The following FAM184A variants were observed in gnomAD, a reference collection of about 807,000 sequenced individuals.
FAM184A encodes protein FAM184A.
FAM184A carries 99 observed loss-of-function variants against 143.8 expected under a neutral mutation model. The observed-to-expected ratio is 0.69, with a 90% confidence interval of 0.58 to 0.81. FAM184A has a LOEUF of 0.81. Among genes scored for constraint, FAM184A ranks in the 40% least tolerant of loss-of-function variants. FAM184A has a pLI of 0.00. For missense variants in FAM184A, 1,217 were observed against 1,310.5 expected (o/e 0.93, Z 1.10); for synonymous variants, 427 against 446.4 (o/e 0.96, Z 0.55).
chr6:119,006,170 C>T, intron 7 of FAM184A: 1 of 765,132 alleles, frequency 1.3e-6, no homozygotes, highest in Non-Finnish European at 2.4e-6. Flanking sequence ...CCTGGTGCTA[C>T]CAGAAGCTGG....
chr6:119,099,778 A>G (rs574391878), intron 1 of FAM184A, among the ~76,000 whole-genome samples: 6 of 152,196 alleles, frequency 3.9e-5, no homozygotes, highest in East Asian at 3.9e-4. Flanking sequence ...TGAAGAGGGC[A>G]TGGAAACTCC....
intron 1 of FAM184A, among the ~76,000 whole-genome samples, chr6:119,100,156 T>C (rs1179525837): frequency 6.6e-6 from 1 of 152,132 alleles, no homozygotes; most frequent in Non-Finnish European, 1.5e-5. Context: ...TGTGAGAGTA[T>C]GGTGGGAGAA....
chr6:118,997,851 A>G (rs1413005477), intron 9 of FAM184A, among the ~76,000 whole-genome samples: 2 of 152,208 alleles, frequency 1.3e-5, no homozygotes, highest in African/African-American at 4.8e-5. Context: ...TTCAGTAACC[A>G]TATTTAAAAG....
At chr6:119,079,288 G>C (rs1274412172), upstream of FAM184A, 1 of 152,244 alleles carries the variant, frequency 6.6e-6, no homozygotes, top group Non-Finnish European at 1.5e-5. Context: ...CAGTCAGCTG[G>C]TGGAGCACCG....
chr6:119,100,125 G>A (rs1788602197), intron 1 of FAM184A, among the ~76,000 whole-genome samples: 1 of 152,174 alleles, frequency 6.6e-6, no homozygotes, highest in African/African-American at 2.4e-5. Context: ...GGCTGGTGGG[G>A]AGAAATTCCC....
chr6:118,986,208 G>T (rs773818916), intron 9 of FAM184A, among the ~76,000 whole-genome samples: 138 of 152,188 alleles, frequency 9.1e-4, no homozygotes, highest in Non-Finnish European at 1.7e-3. Flanking sequence ...CAGGAGAATG[G>T]TGTGAACCCG....
intron 15 of FAM184A, 39 bp downstream of exon 15, chr6:118,966,796 G>T (rs777933084): frequency 1.8e-5 from 17 of 946,234 alleles, no homozygotes; most frequent in Non-Finnish European, 2.6e-5. Context: ...AATATCTATT[G>T]ATTACTAACA....
chr6:119,077,996 T>G, intron 1 of FAM184A, 145 bp downstream of exon 1: 1 of 946,676 alleles, frequency 1.1e-6, no homozygotes, highest in Non-Finnish European at 1.5e-6. Context: ...TTTGCAGGGT[T>G]TTGGAGGTGT....
intron 2 of FAM184A, among the ~76,000 whole-genome samples, 182 bp downstream of exon 2, chr6:119,023,777 T>G (rs1785535026): frequency 6.8e-6 from 1 of 146,296 alleles, no homozygotes; most frequent in African/African-American, 2.6e-5. Flanking sequence ...GTAATACAAA[T>G]TATCCTGTCA....
intron 9 of FAM184A, among the ~76,000 whole-genome samples, chr6:118,988,954 ATTT>A (rs71556820): frequency 1.8e-5 from 2 of 112,060 alleles, no homozygotes; most frequent in African/African-American, 3.5e-5. Flanking sequence ...TCTGGACATG[ATTT>A]TTTTTTTTTT....
At chr6:119,002,576 C>A (rs909747741) in intron 9 of FAM184A, among the ~76,000 whole-genome samples, 2 of 152,056 alleles carry the variant, frequency 1.3e-5, no homozygotes, top group Admixed American at 6.5e-5. Context: ...CAAACAGTAT[C>A]TAAGGACATG....
At chr6:119,086,663 G>A (rs563238423) in intron 1 of FAM184A, among the ~76,000 whole-genome samples, 1 of 152,314 alleles carries the variant, frequency 6.6e-6, no homozygotes, top group African/African-American at 2.4e-5. Context: ...ATTACTTATG[G>A]AAGGGGACTT....
In FAM184A at chr6:119,071,232, T is replaced by C. The variant is rs575603943; in HGVS notation, c.159+6909A>G. 3.9e-5 allele frequency among the ~76,000 whole-genome samples: 6 copies of C among 152,254 alleles called. No individual in the cohort carries two copies. The South Asian group carries it at 1.2e-3, about 32-fold the overall frequency. The stretch of plus-strand genomic sequence containing the variant: ...AAAGGATTTTCATAAACTAAACAGA[T>C]AGTGAATCAATAAAAACTGGAAAAC... On this transcript the variant is annotated intron_variant, in intron 1 of 17. Coordinates refer to ENST00000338891, the MANE Select transcript of FAM184A (RefSeq NM_024581.6).
upstream of FAM184A, among the ~76,000 whole-genome samples, chr6:119,080,747 T>C (rs1363430475): frequency 6.6e-6 from 1 of 152,240 alleles, no homozygotes; most frequent in Admixed American, 6.5e-5. Flanking sequence ...TCAACATTTC[T>C]GGTTTTGGAG....
chr6:118,994,961 C>G (rs1420986669), intron 9 of FAM184A, among the ~76,000 whole-genome samples: 2 of 152,112 alleles, frequency 1.3e-5, no homozygotes, highest in Non-Finnish European at 2.9e-5. Context: ...ATTGTTATTG[C>G]TCGACTTTCA....
At position 119,006,516 on chromosome 6, in the gene FAM184A, C is replaced by T. The variant is rs1784924403; in HGVS notation, c.1746G>A (p.Arg582=). The T allele has an allele frequency of 6.2e-7, 1 of 1,613,918 alleles. No individual in the cohort carries two copies. The highest frequency in any genetic ancestry group is 1.7e-5 in the Admixed American group (1 of 59,996). ...LIASLQDSQE[R]LQNELDLTKD... Reference sequence around the variant, plus strand: ...TAGTCAAGTCAAGCTCATTCTGAAGCCTTTCCTGGGAGTCCTGAAGACTAG... The same window carrying T: ...TAGTCAAGTCAAGCTCATTCTGAAGTCTTTCCTGGGAGTCCTGAAGACTAG... Residue 582 remains arginine (R), a synonymous_variant, in exon 7 of 18, where the codon AGG becomes AGA. Coordinates refer to ENST00000338891, the MANE Select transcript of FAM184A (RefSeq NM_024581.6).
intron 1 of FAM184A, among the ~76,000 whole-genome samples, chr6:119,085,879 T>TG (rs1220833832): frequency 6.6e-6 from 1 of 151,306 alleles, no homozygotes; most frequent in Admixed American, 6.6e-5. Context: ...AAAGAGAGAG[T>TG]GGGGGGAGGT....
intron 1 of FAM184A, among the ~76,000 whole-genome samples, chr6:119,052,277 T>C (rs991849213): frequency 2.0e-5 from 3 of 152,236 alleles, no homozygotes; most frequent in African/African-American, 7.2e-5. Flanking sequence ...AATGAAAAGA[T>C]ACAAATATGT....
intron 9 of FAM184A, among the ~76,000 whole-genome samples, chr6:118,988,630 G>C (rs1477923674): frequency 3.3e-5 from 5 of 152,120 alleles, no homozygotes. Flanking sequence ...AGAAATTAAG[G>C]ATTTAATAAT....
Sources: gnomAD v4.1 joint callset for allele counts (sites outside exome capture counted in the v4.1 genomes callset) on GRCh38, gnomAD v4.1.1 for gene constraint, MANE v1.5 for transcripts, NCBI Gene and HGNC (gene_info 2026-07-23, HGNC 2026-07-21) for gene names.